Variants in STK33 observed in about 807,000 individuals in gnomAD.
STK33 encodes serine/threonine kinase 33.
A neutral mutation model predicts 58.0 loss-of-function variants in STK33; 52 were observed. The observed-to-expected ratio is 0.90, with a 90% CI of 0.72 to 1.13. The LOEUF is 1.13. STK33 is among the 50% of genes most tolerant of loss of function. STK33 has a pLI of 0.00. For synonymous variants in STK33, 215 were observed against 200.1 expected (o/e 1.07, Z -0.63); for missense variants, 630 against 604.2 (o/e 1.04, Z -0.45).
chr11:8,563,243 G>C (rs1013722599), intron 1 of STK33, among the ~76,000 whole-genome samples: 3 of 152,098 alleles, frequency 2.0e-5, no homozygotes, highest in Non-Finnish European at 4.4e-5. Context: ...GGGATTCAAA[G>C]TTAGCTGTTG....
chr11:8,519,198 C>T (rs886836679), intron 1 of STK33, among the ~76,000 whole-genome samples: 19 of 152,172 alleles, frequency 1.2e-4, no homozygotes, highest in African/African-American at 3.1e-4. Context: ...CACTCAAAAC[C>T]GCTCAACTAC....
intron 15 of STK33, among the ~76,000 whole-genome samples, chr11:8,398,071 G>T (rs1052956798): frequency 2.0e-5 from 3 of 152,186 alleles, no homozygotes; most frequent in Admixed American, 2.0e-4. Context: ...CCCCAATCTA[G>T]CAAGGCAGGC....
the STK33 span, among the ~76,000 whole-genome samples, chr11:8,345,082 T>C: frequency 6.6e-6 from 1 of 152,080 alleles, no homozygotes; most frequent in East Asian, 1.9e-4. Flanking sequence ...ATCTCTCCAC[T>C]TCCCCACTCG....
Position 8,435,523 on chromosome 11 carries a change from T to C in STK33, c.1117A>G (p.Lys373Glu), listed in dbSNP as rs779235226. The C allele has an allele frequency of 1.3e-6, 2 of 1,520,118 alleles. No individual in the cohort carries two copies. The highest frequency in any genetic ancestry group is 1.8e-6 in the Non-Finnish European group (2 of 1,124,716). 94.2% of individuals were successfully genotyped at this position (1,520,118 alleles called of 1,614,324 possible). ...AACCACTGGTTATCTAGTAGTTCCT[T>C]AGCTGTGATTCTGTGAGCAGGATCT... ...KVDPAHRITA[K>E]ELLDNQWLTG... Residue 373 changes from lysine to glutamate, a missense_variant, in exon 14 of 16, where the codon AAG becomes GAG. Transcript: ENST00000687296.
chr11:8,559,912 A>G (rs1957007883), intron 1 of STK33, among the ~76,000 whole-genome samples: 1 of 151,984 alleles, frequency 6.6e-6, no homozygotes, highest in Non-Finnish European at 1.5e-5. Flanking sequence ...TCAGTAACTT[A>G]CCCTTTTTCT....
At chr11:8,445,974 T>A (rs1004009730) in intron 11 of STK33, among the ~76,000 whole-genome samples, 1 of 152,212 alleles carries the variant, frequency 6.6e-6, no homozygotes, top group Non-Finnish European at 1.5e-5. Flanking sequence ...TCCTTGTACC[T>A]CTGGTAGAAT....
At chr11:8,484,210 G>T (rs1232480953) in intron 1 of STK33, among the ~76,000 whole-genome samples, 1 of 152,142 alleles carries the variant, frequency 6.6e-6, no homozygotes, top group Non-Finnish European at 1.5e-5. Flanking sequence ...TGTATAGATG[G>T]TGTGTATATA....
At chr11:8,363,038 C>A in the STK33 span, among the ~76,000 whole-genome samples, 1 of 152,108 alleles carries the variant, frequency 6.6e-6, no homozygotes, top group Non-Finnish European at 1.5e-5. Flanking sequence ...AGCTTGGGCT[C>A]CAGGGTGGAG....
chr11:8,554,600 G>A (rs1404548579), intron 1 of STK33, among the ~76,000 whole-genome samples: 3 of 152,088 alleles, frequency 2.0e-5, no homozygotes, highest in African/African-American at 7.2e-5. Flanking sequence ...TCAAAAAGAT[G>A]AAAGATAAGT....
At chr11:8,407,463 A>C (rs1436553523) in intron 15 of STK33, among the ~76,000 whole-genome samples, 1 of 152,120 alleles carries the variant, frequency 6.6e-6, no homozygotes, top group African/African-American at 2.4e-5. Flanking sequence ...ATCATTTGGG[A>C]ATAAAGTTTT....
the STK33 span, among the ~76,000 whole-genome samples, chr11:8,360,603 T>C: frequency 6.6e-6 from 1 of 152,272 alleles, no homozygotes; most frequent in African/African-American, 2.4e-5. Context: ...AGGTGTCAGC[T>C]GTTGCATTCT....
chr11:8,562,435 C>A (rs1026198105), intron 1 of STK33, among the ~76,000 whole-genome samples: 1 of 152,146 alleles, frequency 6.6e-6, no homozygotes, highest in African/African-American at 2.4e-5. Context: ...TGTCCCAACA[C>A]GAAAACCTTA....
chr11:8,576,563 T>C (rs1477259562), intron 1 of STK33, among the ~76,000 whole-genome samples: 2 of 152,222 alleles, frequency 1.3e-5, no homozygotes, highest in East Asian at 1.9e-4. Flanking sequence ...ATAACAGATA[T>C]TAACTTTCTC....
intron 15 of STK33, among the ~76,000 whole-genome samples, chr11:8,396,229 G>C (rs186209442): frequency 6.6e-6 from 1 of 152,080 alleles, no homozygotes; most frequent in Non-Finnish European, 1.5e-5. Context: ...TCAGCCTCCC[G>C]AGTAGTTGGG....
At chr11:8,482,521 A>G (rs569898784) in intron 1 of STK33, among the ~76,000 whole-genome samples, 1 of 152,292 alleles carries the variant, frequency 6.6e-6, no homozygotes, top group South Asian at 2.1e-4. Context: ...TGATTACGAT[A>G]ATGATAATAA....
At chr11:8,365,222 C>T in the STK33 span, among the ~76,000 whole-genome samples, 1 of 152,196 alleles carries the variant, frequency 6.6e-6, no homozygotes, top group Non-Finnish European at 1.5e-5. Context: ...AGTTGCTCCC[C>T]AGCTGTGGGG....
chr11:8,574,313 A>G (rs1958029311), intron 1 of STK33, among the ~76,000 whole-genome samples: 1 of 152,198 alleles, frequency 6.6e-6, no homozygotes, highest in Admixed American at 6.5e-5. Context: ...ATATTGAGGG[A>G]GGATGGTTGA....
At chr11:8,396,466 A>T (rs571847482) in intron 15 of STK33, among the ~76,000 whole-genome samples, 1 of 152,208 alleles carries the variant, frequency 6.6e-6, no homozygotes, top group Non-Finnish European at 1.5e-5. Context: ...CAGAATCCTA[A>T]AAGTTTTTCT....
the STK33 span, among the ~76,000 whole-genome samples, chr11:8,339,518 G>A: frequency 6.6e-6 from 1 of 152,254 alleles, no homozygotes; most frequent in South Asian, 2.1e-4. Context: ...CCCGTGTGAA[G>A]CCTAATCCCA....
Sources: gnomAD v4.1 joint callset for allele counts (sites outside exome capture counted in the v4.1 genomes callset) on GRCh38, gnomAD v4.1.1 for gene constraint, MANE v1.5 for transcripts, NCBI Gene and HGNC (gene_info 2026-07-23, HGNC 2026-07-21) for gene names.